The following AGO3 variants were observed in gnomAD, a reference collection of about 807,000 sequenced individuals.
AGO3 encodes the protein argonaute RISC catalytic component 3, also known as protein argonaute-3.
In AGO3, 16 loss-of-function variants were observed where a neutral mutation model predicts 105.5. The ratio of observed to expected loss-of-function variants is 0.15; its 90% CI spans 0.10 to 0.23. AGO3 has a LOEUF of 0.23. Among genes scored for constraint, AGO3 ranks in the 10% least tolerant of loss-of-function variants. The pLI is 1.00. For missense variants in AGO3, 534 were observed against 1,088.0 expected (o/e 0.49, Z 7.16); for synonymous variants, 340 against 367.3 (o/e 0.93, Z 0.85).
In AGO3 at chr1:35,959,390, C is replaced by T. The variant is rs1372260897; in HGVS notation, c.192-7565C>T. On this transcript the variant is annotated intron_variant, in intron 2 of 18. Coordinates refer to ENST00000373191, the MANE Select transcript of AGO3 (RefSeq NM_024852.4). ...TAAGGATTCTTAAATTCTCACGTGACGTTCTAAAAAATGCATCACAGTATA... is the reference window on the plus strand; with the variant it reads ...TAAGGATTCTTAAATTCTCACGTGATGTTCTAAAAAATGCATCACAGTATA... Among the ~76,000 whole-genome samples the T allele has an allele frequency of 5.3e-5, 8 of 152,178 alleles. No individual in the cohort carries two copies. The East Asian group carries it at 9.6e-4, about 18-fold the overall frequency.
intron 2 of AGO3, among the ~76,000 whole-genome samples, chr1:35,958,047 A>G (rs1646603538): frequency 6.6e-6 from 1 of 152,060 alleles, no homozygotes; most frequent in South Asian, 2.1e-4. Flanking sequence ...CCTCTGGGTG[A>G]CAGAGCAAGA....
chr1:35,957,373 C>T (rs1646588352), intron 2 of AGO3, among the ~76,000 whole-genome samples: 1 of 150,822 alleles, frequency 6.6e-6, no homozygotes, highest in Non-Finnish European at 1.5e-5. Context: ...AAAAAGAAGT[C>T]AGTGGCCTGA....
intron 5 of AGO3, among the ~76,000 whole-genome samples, chr1:35,978,927 T>C (rs551393430): frequency 4.6e-5 from 7 of 152,288 alleles, no homozygotes; most frequent in Admixed American, 3.3e-4. Flanking sequence ...ATACATAATA[T>C]TATTTTCTAG....
intron 5 of AGO3, among the ~76,000 whole-genome samples, chr1:35,991,595 A>G (rs1369526808): frequency 6.7e-6 from 1 of 149,906 alleles, no homozygotes; most frequent in African/African-American, 2.4e-5. Flanking sequence ...GTATTTATCA[A>G]CAAACTTAAA....
chr1:36,040,458 T>A lies in AGO3; in HGVS notation c.2172+17T>A. Reference sequence around the variant, plus strand: ...ACAGAAAGGGTAATCTCACCTCTGTTGTAATACTGTTATAAACCAAGCTTA... The same window carrying A: ...ACAGAAAGGGTAATCTCACCTCTGTAGTAATACTGTTATAAACCAAGCTTA... On this transcript the variant is annotated intron_variant, in intron 16 of 18. Transcript: ENST00000373191. The A allele has an allele frequency of 6.2e-7, 1 of 1,613,696 alleles. No homozygotes were observed. Among genetic ancestry groups the A allele is most frequent in the Non-Finnish European group, 8.5e-7 (1 of 1,179,822 alleles).
At chr1:36,023,999 G>A (rs77977427) in intron 11 of AGO3, among the ~76,000 whole-genome samples, 4,308 of 152,030 alleles carry the variant, frequency 0.028, 72 homozygotes, top group Non-Finnish European at 0.044. Context: ...TAGGCTTCCA[G>A]ACCTCCATTC....
chr1:36,004,412 A>G lies in AGO3; in HGVS notation c.730A>G (p.Ile244Val). The change falls in exon 6 of 19, where the codon ATT becomes GTT. Residue 244 changes from isoleucine (I) to valine (V), a missense_variant. Physicochemically the swap from Ile to Val is conservative, Grantham distance 29. Coordinates refer to ENST00000373191, the MANE Select transcript of AGO3 (RefSeq NM_024852.4). ...FMCEVLDIHN[I>V]DEQPRPLTDS... ...GTGTGAAGTTCTTGATATTCATAAT[A>G]TTGATGAGCAACCAAGACCTCTGAC... is the stretch of plus-strand genomic sequence containing the variant. The G allele has an allele frequency of 6.2e-7, 1 of 1,609,126 alleles. No homozygotes were observed. The highest frequency in any genetic ancestry group is 8.5e-7 in the Non-Finnish European group (1 of 1,176,694).
intron 2 of AGO3, among the ~76,000 whole-genome samples, chr1:35,950,563 G>A (rs1646452065): frequency 6.6e-6 from 1 of 152,122 alleles, no homozygotes; most frequent in East Asian, 1.9e-4. Flanking sequence ...GCCAAGTTGG[G>A]GAAGGAGATT....
intron 1 of AGO3, 146 bp from the exon 2 acceptor site, chr1:35,945,546 G>A: frequency 1.3e-6 from 1 of 764,152 alleles, no homozygotes; most frequent in Admixed American, 2.5e-5. Flanking sequence ...GGTGACAGAA[G>A]TTGAAGTGTT....
intron 8 of AGO3, 30 bp downstream of exon 8, chr1:36,009,074 C>G: frequency 6.6e-7 from 1 of 1,510,482 alleles, no homozygotes; most frequent in Middle Eastern, 1.8e-4. Context: ...AATTAATACC[C>G]TGTTGTTCAT....
chr1:35,972,136 G>A lies in AGO3; in HGVS notation c.425G>A (p.Gly142Glu). The change falls in exon 4 of 19, where the codon GGA becomes GAA. Residue 142 changes from glycine to glutamate, a missense_variant. By Grantham distance (98) the Gly-to-Glu change is moderately conservative. Around this residue, in one of 2 missense-constraint regions of AGO3, gnomAD observed 161 missense variants for 234.0 expected, o/e 0.69. Coordinates refer to ENST00000373191, the MANE Select transcript of AGO3 (RefSeq NM_024852.4). ...CACCTACTGCATGAAGTACTGACAG[G>A]ACGGACCTTGCCTGAGCCACTGGAA... ...SWHLLHEVLT[G>E]RTLPEPLELD... 1.2e-6 allele frequency: 2 copies of A among 1,614,080 alleles called. No individual in the cohort carries two copies. The highest frequency in any genetic ancestry group is 1.7e-6 in the Non-Finnish European group (2 of 1,180,018).
At chr1:35,936,990 A>G (rs1456431580) in intron 1 of AGO3, among the ~76,000 whole-genome samples, 1 of 152,206 alleles carries the variant, frequency 6.6e-6, no homozygotes, top group Non-Finnish European at 1.5e-5. Context: ...TGATTTCTGA[A>G]TCTTCTAACA....
chr1:36,010,544 C>T (rs1160920114), intron 9 of AGO3, among the ~76,000 whole-genome samples: 1 of 150,150 alleles, frequency 6.7e-6, no homozygotes, highest in Non-Finnish European at 1.5e-5. Context: ...GCAGAGGCTG[C>T]AGTGAGCCGA....
intron 5 of AGO3, among the ~76,000 whole-genome samples, chr1:35,997,767 G>T (rs867913068): frequency 1.3e-5 from 2 of 152,092 alleles, no homozygotes; most frequent in Non-Finnish European, 2.9e-5. Flanking sequence ...CGTGATCTCG[G>T]CTCAATGCAA....
At chr1:35,966,173 A>G (rs910297972) in intron 2 of AGO3, among the ~76,000 whole-genome samples, 2 of 152,144 alleles carry the variant, frequency 1.3e-5, no homozygotes, top group Non-Finnish European at 2.9e-5. Flanking sequence ...ATGTGAGTAC[A>G]TTCTCATTGT....
At chr1:35,953,642 C>T (rs1248889201) in intron 2 of AGO3, among the ~76,000 whole-genome samples, 2 of 151,992 alleles carry the variant, frequency 1.3e-5, no homozygotes, top group Non-Finnish European at 2.9e-5. Flanking sequence ...TCTCCTGCCT[C>T]AGCCTCCCAA....
chr1:36,029,847 C>T (rs998152607), intron 12 of AGO3, among the ~76,000 whole-genome samples: 1 of 151,824 alleles, frequency 6.6e-6, no homozygotes, highest in Non-Finnish European at 1.5e-5. Context: ...CGCGTGCCAC[C>T]ATGCCTGGCT....
chr1:36,012,004 C>A (rs1252955594), intron 9 of AGO3, among the ~76,000 whole-genome samples: 1 of 152,048 alleles, frequency 6.6e-6, no homozygotes, highest in African/African-American at 2.4e-5. Flanking sequence ...CACTGAAGTA[C>A]AGAAATGCAT....
chr1:36,027,352 A>G lies in AGO3; in HGVS notation c.1591+54A>G, dbSNP rs1641550644. On this transcript the variant is annotated intron_variant, in intron 12 of 18. Coordinates refer to ENST00000373191, the MANE Select transcript of AGO3 (RefSeq NM_024852.4). This position sits in a 1 kb window ranked among gnomAD's most constrained non-coding sequence, Gnocchi z 4.0. ...CTCAAGTACTTGATGTCCTTTTAGG[A>G]TTATACTGAAACATATCCTAAAACT... 5 of 1,458,224 alleles carry G rather than the reference A, an allele frequency of 3.4e-6. No homozygotes were observed. The highest frequency in any genetic ancestry group is 4.6e-6 in the Non-Finnish European group (5 of 1,082,712). 90.3% of individuals were successfully genotyped at this position (1,458,224 alleles called of 1,614,324 possible).
Sources: allele counts gnomAD v4.1 joint callset (sites outside exome capture counted in the v4.1 genomes callset), GRCh38; gene constraint gnomAD v4.1.1; regional missense constraint gnomAD v4.1.1; non-coding constraint Gnocchi (gnomAD v3.1); transcripts MANE v1.5; gene names NCBI Gene and HGNC (gene_info 2026-07-23, HGNC 2026-07-21).